Variants in BCAR3 observed in about 807,000 individuals in gnomAD.
The protein encoded by BCAR3 is BCAR3 adaptor protein, NSP family member, also known as breast cancer anti-estrogen resistance protein 3.
Under a neutral mutation model 80.1 loss-of-function variants are expected in BCAR3, and 37 were observed. That is an observed-to-expected ratio of 0.46 (90% CI 0.36 to 0.61). The LOEUF (loss-of-function observed/expected upper bound fraction) is 0.61. Ranked by LOEUF, BCAR3 falls within the 20% of genes least tolerant of loss-of-function variation. The pLI, the probability that BCAR3 is intolerant of heterozygous loss-of-function variation, is 0.00. For synonymous variants in BCAR3, 389 were observed against 418.9 expected (o/e 0.93, Z 0.87); for missense variants, 978 against 1,068.2 (o/e 0.92, Z 1.18).
At chr1:93,598,784 G>C (rs982003179) in intron 3 of BCAR3, 1 of 152,220 alleles carries the variant, frequency 6.6e-6, no homozygotes, top group African/African-American at 2.4e-5. Flanking sequence ...CCTGGAAACA[G>C]CTTCATGGAG....
intron 3 of BCAR3, among the ~76,000 whole-genome samples, chr1:93,598,248 C>T (rs1398014994): frequency 4.6e-5 from 7 of 152,106 alleles, no homozygotes; most frequent in South Asian, 4.1e-4. Flanking sequence ...GTTCTGAAGA[C>T]GGGACGGGGA....
Position 93,589,384 on chromosome 1 carries a change from G to A in BCAR3, c.522C>T (p.Phe174=), listed in dbSNP as rs1674082088. 6.2e-7 allele frequency: 1 copy of A among 1,613,520 alleles called. No individual in the cohort carries two copies. Among genetic ancestry groups the A allele is most frequent in the East Asian group, 2.2e-5 (1 of 44,884 alleles). Residue 174 remains phenylalanine, a synonymous_variant, in exon 5 of 12, where the codon TTC becomes TTT. Transcript: ENST00000260502. ...GGCTGGACAGAGAGTCACGAACTAG[G>A]AAGTCACCATCTCGCTGCACAAGGT... ...SENLVQRDGD[F]LVRDSLSSPG...
At chr1:93,610,350 A>T (rs917202731) in intron 3 of BCAR3, among the ~76,000 whole-genome samples, 12 of 152,170 alleles carry the variant, frequency 7.9e-5, no homozygotes, top group Non-Finnish European at 4.4e-5. Context: ...TGGCTTTTCT[A>T]TCTCTGAGCT....
At chr1:93,829,541 C>T (rs12121389) in intron 2 of BCAR3, among the ~76,000 whole-genome samples, 19,798 of 151,820 alleles carry the variant, frequency 0.13, 1,973 homozygotes, top group African/African-American at 0.27. Flanking sequence ...AAAATTCCAC[C>T]GAGAACTCCC....
chr1:93,818,016 G>A (rs1451645074), intron 2 of BCAR3, among the ~76,000 whole-genome samples: 4 of 152,174 alleles, frequency 2.6e-5, no homozygotes, highest in African/African-American at 9.7e-5. Context: ...CCTCCTTACC[G>A]GTGACGCACT....
At chr1:93,840,363 T>C (rs1239745729) in intron 2 of BCAR3, among the ~76,000 whole-genome samples, 1 of 152,240 alleles carries the variant, frequency 6.6e-6, no homozygotes, top group East Asian at 1.9e-4. Context: ...AGGGTTGTTA[T>C]GAAGATTAAG....
chr1:93,606,896 T>C (rs1485187357), intron 3 of BCAR3, among the ~76,000 whole-genome samples: 1 of 152,180 alleles, frequency 6.6e-6, no homozygotes, highest in Non-Finnish European at 1.5e-5. Context: ...ATGGTCAACA[T>C]TGTCAAGTGC....
intron 3 of BCAR3, among the ~76,000 whole-genome samples, chr1:93,600,225 C>A (rs1355120061): frequency 6.6e-6 from 1 of 152,260 alleles, no homozygotes; most frequent in Admixed American, 6.5e-5. Flanking sequence ...CCTCCAGAAT[C>A]CTGAGCTTTA....
At chr1:93,783,720 C>A (rs879880157) in intron 2 of BCAR3, among the ~76,000 whole-genome samples, 4 of 152,154 alleles carry the variant, frequency 2.6e-5, no homozygotes, top group African/African-American at 4.8e-5. Flanking sequence ...AGCATATTGC[C>A]TAGGAGTACA....
At chr1:93,609,398 C>T (rs986292370) in intron 3 of BCAR3, among the ~76,000 whole-genome samples, 1 of 152,132 alleles carries the variant, frequency 6.6e-6, no homozygotes, top group African/African-American at 2.4e-5. Context: ...AGGCACCACA[C>T]CCCAACCTCT....
chr1:93,774,484 A>C (rs1325660295), intron 2 of BCAR3, among the ~76,000 whole-genome samples: 1 of 51,848 alleles, frequency 1.9e-5, no homozygotes, highest in African/African-American at 7.5e-5. Flanking sequence ...ATTCTGTTTC[A>C]AAAAAAAAAA....
At chr1:93,718,349 C>T (rs941174407) in intron 2 of BCAR3, among the ~76,000 whole-genome samples, 2 of 152,170 alleles carry the variant, frequency 1.3e-5, no homozygotes, top group South Asian at 2.1e-4. Flanking sequence ...AGGTAGAATG[C>T]GTACTAATGC....
intron 2 of BCAR3, among the ~76,000 whole-genome samples, chr1:93,766,311 G>T (rs2100734433): frequency 6.6e-6 from 1 of 152,348 alleles, no homozygotes; most frequent in South Asian, 2.1e-4. Flanking sequence ...GAGAAGTGAT[G>T]ACTTGGGACA....
At chr1:93,773,493 A>G (rs1652432627) in intron 2 of BCAR3, among the ~76,000 whole-genome samples, 1 of 152,170 alleles carries the variant, frequency 6.6e-6, no homozygotes, top group African/African-American at 2.4e-5. Context: ...ATTTCCTAAG[A>G]ATCAGTGCCT....
chr1:93,609,149 G>A (rs553738487), intron 3 of BCAR3, among the ~76,000 whole-genome samples: 1 of 152,302 alleles, frequency 6.6e-6, no homozygotes, highest in African/African-American at 2.4e-5. Flanking sequence ...GACTCCTCAG[G>A]CTGTAATATG....
At chr1:93,763,055 T>C (rs1296886770) in intron 2 of BCAR3, among the ~76,000 whole-genome samples, 1 of 152,186 alleles carries the variant, frequency 6.6e-6, no homozygotes, top group South Asian at 2.1e-4. Flanking sequence ...TCTTCTACAA[T>C]AGCCAACACT....
Position 93,831,244 on chromosome 1 carries a change from G to A in BCAR3, c.-63+14323C>T, listed in dbSNP as rs767952034. On this transcript the variant is annotated intron_variant, in intron 2 of 13. Coordinates refer to the BCAR3 transcript ENST00000370244. The stretch of plus-strand genomic sequence containing the variant: ...TGGCTGCTCACCCACCTGCTTCTCC[G>A]TGTCTCTACCTTTCTCTTTAAACTT... Among the ~76,000 whole-genome samples, 67 of 152,164 alleles carry A rather than the reference G, an allele frequency of 4.4e-4. 1 individual carries two copies. Among genetic ancestry groups the A allele is most frequent in the Middle Eastern group, 3.4e-3 (1 of 294 alleles).
At chr1:93,844,436 TC>T (rs538646529) in intron 2 of BCAR3, among the ~76,000 whole-genome samples, 1 of 152,212 alleles carries the variant, frequency 6.6e-6, no homozygotes, top group South Asian at 2.1e-4. Flanking sequence ...ATGCTTTGAC[TC>T]CCTCTGTTGG....
At chr1:93,770,630 A>T (rs1047263106) in intron 2 of BCAR3, among the ~76,000 whole-genome samples, 3 of 152,202 alleles carry the variant, frequency 2.0e-5, no homozygotes, top group Admixed American at 2.0e-4. Context: ...GGGGGTGGGT[A>T]GAAAATACCT....
Sources: allele counts gnomAD v4.1 joint callset (sites outside exome capture counted in the v4.1 genomes callset), GRCh38; gene constraint gnomAD v4.1.1; transcripts MANE v1.5; gene names NCBI Gene and HGNC (gene_info 2026-07-23, HGNC 2026-07-21).